Variants in PLD5 observed in about 807,000 individuals in gnomAD.
PLD5 encodes the protein inactive phospholipase D5.
A neutral mutation model predicts 61.1 loss-of-function variants in PLD5; 36 were observed. That is an observed-to-expected ratio of 0.59 (90% confidence interval 0.45 to 0.78). PLD5 has a LOEUF of 0.78. PLD5 is among the 30% of genes least tolerant of loss of function. The pLI, the probability that PLD5 is intolerant of heterozygous loss-of-function variation, is 0.00. For missense variants in PLD5, 515 were observed against 644.4 expected, an observed-to-expected ratio of 0.80 and a Z score of 2.17; for synonymous variants, 243 against 242.8, an observed-to-expected ratio of 1.00 and a Z score of -0.01.
At chr1:242,187,151 A>G (rs1489253081) in intron 5 of PLD5, among the ~76,000 whole-genome samples, 1 of 152,234 alleles carries the variant, frequency 6.6e-6, no homozygotes, top group Non-Finnish European at 1.5e-5. Flanking sequence ...GAAATGTAAG[A>G]GAAGTGCCTA....
At chr1:242,332,004 C>T (rs554291410) in intron 2 of PLD5, among the ~76,000 whole-genome samples, 1 of 152,230 alleles carries the variant, frequency 6.6e-6, no homozygotes, top group South Asian at 2.1e-4. Context: ...GTCATCTACA[C>T]TAGGTATTTC....
chr1:242,410,353 C>T (rs191747130), intron 1 of PLD5, among the ~76,000 whole-genome samples: 176 of 152,254 alleles, frequency 1.2e-3, no homozygotes, highest in African/African-American at 3.5e-3. Context: ...TATACCTGGA[C>T]AGACACCTGT....
intron 1 of PLD5, among the ~76,000 whole-genome samples, chr1:242,355,611 C>A (rs1478330320): frequency 6.6e-6 from 1 of 150,994 alleles, no homozygotes; most frequent in Non-Finnish European, 1.5e-5. Flanking sequence ...TCATTTATTT[C>A]TGTGATAATT....
chr1:242,181,276 C>A (rs897225300), intron 5 of PLD5, among the ~76,000 whole-genome samples: 1 of 152,140 alleles, frequency 6.6e-6, no homozygotes, highest in African/African-American at 2.4e-5. Flanking sequence ...AGTAGCAAGG[C>A]GATGGGCCTG....
intron 4 of PLD5, among the ~76,000 whole-genome samples, chr1:242,225,668 G>A (rs1361598323): frequency 1.3e-5 from 2 of 152,128 alleles, no homozygotes; most frequent in African/African-American, 2.4e-5. Flanking sequence ...CACACATAAC[G>A]CACGTGAGAC....
At chr1:242,107,312 C>T (rs977203355) in intron 8 of PLD5, among the ~76,000 whole-genome samples, 2 of 151,916 alleles carry the variant, frequency 1.3e-5, no homozygotes, top group African/African-American at 4.8e-5. Context: ...CCCATCTCTA[C>T]AAAAAATGCA....
intron 1 of PLD5, among the ~76,000 whole-genome samples, chr1:242,386,206 T>A (rs1191631740): frequency 6.6e-6 from 1 of 152,166 alleles, no homozygotes. Context: ...AAGATCCTAT[T>A]TCCAAATAAG....
intron 1 of PLD5, among the ~76,000 whole-genome samples, chr1:242,431,398 G>C (rs1665712669): frequency 6.6e-6 from 1 of 152,222 alleles, no homozygotes; most frequent in Non-Finnish European, 1.5e-5. Context: ...TAGCGACTGA[G>C]GATAAGAGAT....
At chr1:242,388,697 T>TA (rs1225502608) in intron 1 of PLD5, among the ~76,000 whole-genome samples, 4 of 152,026 alleles carry the variant, frequency 2.6e-5, no homozygotes, top group African/African-American at 9.7e-5. Context: ...AAATGACTAC[T>TA]AAAAAATCAT....
At chr1:242,203,538 TAGCACTATCCCCTCGGTGA>T (rs1669125828) in intron 5 of PLD5, 1 of 152,292 alleles carries the variant, frequency 6.6e-6, no homozygotes, top group South Asian at 2.1e-4. Flanking sequence ...ATGAGCGGCT[TAGCACTATCCCCTCGGTGA>T]AGACTGAGTT....
chr1:242,468,235 G>T, intron 1 of PLD5, among the ~76,000 whole-genome samples: 1 of 152,198 alleles, frequency 6.6e-6, no homozygotes, highest in East Asian at 1.9e-4. Context: ...ATTTTGAACA[G>T]AGCCATTTTT....
intron 3 of PLD5, among the ~76,000 whole-genome samples, chr1:242,268,131 C>A (rs1486284202): frequency 6.6e-6 from 1 of 152,110 alleles, no homozygotes; most frequent in Non-Finnish European, 1.5e-5. Flanking sequence ...AGAATTGACA[C>A]CAATAATACC....
At chr1:242,463,531 G>A (rs759353213) in intron 1 of PLD5, among the ~76,000 whole-genome samples, 10 of 151,902 alleles carry the variant, frequency 6.6e-5, no homozygotes, top group Non-Finnish European at 1.0e-4. Context: ...AACTTCCAAC[G>A]CCTTCTCTCT....
rs927798952 is a variant in PLD5 at position 242,452,940 on chromosome 1, G to T, written c.189+71148C>A. 6.6e-5 allele frequency among the ~76,000 whole-genome samples: 10 copies of T among 152,274 alleles called. No individual in the cohort carries two copies. In the East Asian group the frequency reaches 1.9e-3, roughly 29 times the overall value. Reference sequence around the variant, plus strand: ...CAGTGAAAAGTCTGAGACCAAGCAGGTAAAATGCTCAGCGGAAGGCTATTC... The same window carrying T: ...CAGTGAAAAGTCTGAGACCAAGCAGTTAAAATGCTCAGCGGAAGGCTATTC... On this transcript the variant is annotated intron_variant, in intron 1 of 9. Transcript: ENST00000536534.
intron 1 of PLD5, among the ~76,000 whole-genome samples, chr1:242,417,709 C>A (rs1477637505): frequency 5.9e-5 from 9 of 152,320 alleles, no homozygotes; most frequent in Admixed American, 5.9e-4. Context: ...GGCTTGCTTC[C>A]CTGCATCAAT....
chr1:242,188,522 ACTGTGACACAGAAC>A (rs1196913936), intron 5 of PLD5: 1 of 152,174 alleles, frequency 6.6e-6, no homozygotes, highest in African/African-American at 2.4e-5. Flanking sequence ...GAAAGAGAAG[ACTGTGACACAGAAC>A]CTAGAAAGCA....
At chr1:242,351,186 C>G (rs984894103) in intron 1 of PLD5, among the ~76,000 whole-genome samples, 16 of 152,318 alleles carry the variant, frequency 1.1e-4, no homozygotes, top group Admixed American at 6.5e-4. Flanking sequence ...CAGGCATGAG[C>G]AACCGCGCCC....
intron 2 of PLD5, among the ~76,000 whole-genome samples, chr1:242,330,087 T>C (rs1320669251): frequency 6.6e-6 from 1 of 152,136 alleles, no homozygotes; most frequent in Non-Finnish European, 1.5e-5. Context: ...TGAATTAGAT[T>C]GAAACCTAAG....
At chr1:242,222,612 G>T (rs1670668583) in intron 4 of PLD5, among the ~76,000 whole-genome samples, 1 of 152,182 alleles carries the variant, frequency 6.6e-6, no homozygotes, top group East Asian at 1.9e-4. Context: ...ATGAGTTCTT[G>T]GAGTCCTCAT....
Sources: gnomAD v4.1 joint callset for allele counts (sites outside exome capture counted in the v4.1 genomes callset) on GRCh38, gnomAD v4.1.1 for gene constraint, MANE v1.5 for transcripts, NCBI Gene and HGNC (gene_info 2026-07-23, HGNC 2026-07-21) for gene names.